The following SLC4A8 variants were observed in gnomAD, a reference collection of about 807,000 sequenced individuals.
The protein encoded by SLC4A8 is electroneutral sodium bicarbonate exchanger 1.
Under a neutral mutation model 125.0 loss-of-function variants are expected in SLC4A8, and 40 were observed. That is an observed-to-expected ratio of 0.32 (90% CI 0.25 to 0.42). The LOEUF (loss-of-function observed/expected upper bound fraction) is 0.42, where lower values mean the gene tolerates loss of function less well. Among genes scored for constraint, SLC4A8 ranks in the 10% least tolerant of loss-of-function variants. The pLI is 1.00. For synonymous variants in SLC4A8, 456 were observed against 476.0 expected (o/e 0.96, Z 0.55); for missense variants, 863 against 1,355.1 (o/e 0.64, Z 5.70).
upstream of SLC4A8, among the ~76,000 whole-genome samples, chr12:51,422,461 C>T (rs1390338998): frequency 6.6e-6 from 1 of 152,030 alleles, no homozygotes; most frequent in Non-Finnish European, 1.5e-5. Flanking sequence ...CTCAGGTGAT[C>T]CTCCCACTTC....
rs1326108592 is a variant in SLC4A8 at position 51,514,620 on chromosome 12, A to C, written c.*7182A>C. 2 of 152,206 alleles carry C rather than the reference A, an allele frequency of 1.3e-5. No individual in the cohort carries two copies. The highest frequency in any genetic ancestry group is 2.9e-5 in the Non-Finnish European group (2 of 68,048). 9.4% of individuals were successfully genotyped at this position (152,206 alleles called of 1,614,324 possible). The stretch of plus-strand genomic sequence containing the variant: ...AGGGACTAAGAATTCTCAAGCCTTC[A>C]GTTTCATCCATATTTCAATGTAAGC... On this transcript the variant is annotated 3_prime_UTR_variant, in exon 25 of 25. Transcript: ENST00000453097.
intron 1 of SLC4A8, among the ~76,000 whole-genome samples, chr12:51,434,818 C>T (rs1949348741): frequency 6.6e-6 from 1 of 152,086 alleles, no homozygotes; most frequent in South Asian, 2.1e-4. Context: ...GGGGAGCCAA[C>T]ATGAATAATT....
At chr12:51,449,671 T>G (rs920705169) in intron 2 of SLC4A8, among the ~76,000 whole-genome samples, 1 of 152,034 alleles carries the variant, frequency 6.6e-6, no homozygotes, top group Non-Finnish European at 1.5e-5. Flanking sequence ...GGCTCCAGGT[T>G]TGGCAGGAAG....
intron 22 of SLC4A8, chr12:51,497,329 T>C (rs1951488981): frequency 1.8e-6 from 1 of 546,340 alleles, no homozygotes; most frequent in Non-Finnish European, 3.2e-6. Context: ...CAACCACTTA[T>C]TTTTTCCTTT....
intron 1 of SLC4A8, chr12:51,425,354 G>C: frequency 8.4e-7 from 1 of 1,184,146 alleles, no homozygotes; most frequent in Non-Finnish European, 1.0e-6. Context: ...AGGGGCCGGC[G>C]TCTGGCCTCG....
chr12:51,507,255 C>T (rs1206378404), intron 24 of SLC4A8, among the ~76,000 whole-genome samples, 171 bp from the exon 25 acceptor site: 1 of 152,244 alleles, frequency 6.6e-6, no homozygotes, highest in Non-Finnish European at 1.5e-5. Flanking sequence ...ATCCAGGCAG[C>T]TGTCGAAATG....
chr12:51,425,023 C>T lies in SLC4A8; in HGVS notation c.36C>T (p.Val12=). Residue 12 remains valine, a synonymous_variant, in exon 1 of 25, where the codon GTC becomes GTT. Transcript: ENST00000453097. ...CCGGGAGTAACGAGCCGGACGGCGTCCTCAGCTATCAGGTAGGGCCCCGCC... is the reference window on the plus strand; with the variant it reads ...CCGGGAGTAACGAGCCGGACGGCGTTCTCAGCTATCAGGTAGGGCCCCGCC... ...PAAGSNEPDG[V]LSYQRPDEEA... 1 of 1,557,118 alleles carries T rather than the reference C, an allele frequency of 6.4e-7. No individual in the cohort carries two copies. The highest frequency in any genetic ancestry group is 8.7e-7 in the Non-Finnish European group (1 of 1,151,122).
chr12:51,514,461 T>A lies in SLC4A8; in HGVS notation c.*7023T>A, dbSNP rs1938467515. ...GCCTTTTCCTCAGTCTGTCAAGTTC[T>A]TTGGAGGAAAGAAGTTCTTGGTCAG... On this transcript the variant is annotated 3_prime_UTR_variant, in exon 25 of 25. Transcript: ENST00000453097. 1 of 152,426 alleles carries A rather than the reference T, an allele frequency of 6.6e-6. No homozygotes were observed. The highest frequency in any genetic ancestry group is 1.5e-5 in the Non-Finnish European group (1 of 68,056). 9.4% of individuals were successfully genotyped at this position (152,426 alleles called of 1,614,324 possible).
At chr12:51,461,567 A>T in intron 9 of SLC4A8, 1 of 307,032 alleles carries the variant, frequency 3.3e-6, no homozygotes, top group Non-Finnish European at 6.1e-6. Context: ...ATATAGAGAA[A>T]TATATTAAGG....
chr12:51,481,808 C>G (rs1185212253), intron 16 of SLC4A8, among the ~76,000 whole-genome samples: 4 of 151,758 alleles, frequency 2.6e-5, no homozygotes, highest in Non-Finnish European at 4.4e-5. Context: ...AAAAATTAGC[C>G]AGGCGTGGTG....
At position 51,479,414 on chromosome 12, in the gene SLC4A8, C is replaced by T. The variant is rs535283101; in HGVS notation, c.2172+4208C>T. 7.4e-4 allele frequency among the ~76,000 whole-genome samples: 113 copies of T among 152,180 alleles called. 1 individual carries two copies. Among genetic ancestry groups the T allele is most frequent in the Non-Finnish European group, 1.3e-3 (85 of 67,996 alleles). ...GAAATGTAGACAAAGGGGCTGTGTG[C>T]GGTGGCTCATGGCTATAATCCCAGC... On this transcript the variant is annotated intron_variant, in intron 16 of 24. Coordinates refer to ENST00000453097, the MANE Select transcript of SLC4A8 (RefSeq NM_001039960.3).
At chr12:51,486,005 C>A in intron 17 of SLC4A8, 105 bp downstream of exon 17, 1 of 655,476 alleles carries the variant, frequency 1.5e-6, no homozygotes, top group Non-Finnish European at 2.7e-6. Context: ...GTTTTACAGT[C>A]CCCTAAATCT....
chr12:51,515,103 C>T lies in SLC4A8; in HGVS notation c.*7665C>T, dbSNP rs919489211. On this transcript the variant is annotated 3_prime_UTR_variant, in exon 25 of 25. Transcript: ENST00000453097. ...AACTCACCCATGGCACTTTTCTGAGCCCAGCAGAAATCAGCGGAGCTTGGG... is the reference window on the plus strand; with the variant it reads ...AACTCACCCATGGCACTTTTCTGAGTCCAGCAGAAATCAGCGGAGCTTGGG... 6.6e-6 allele frequency: 1 copy of T among 152,228 alleles called. No homozygotes were observed. Among genetic ancestry groups the T allele is most frequent in the African/African-American group, 2.4e-5 (1 of 41,460 alleles). 9.4% of individuals were successfully genotyped at this position (152,228 alleles called of 1,614,324 possible).
chr12:51,490,516 T>C (rs1408636943), intron 19 of SLC4A8, among the ~76,000 whole-genome samples: 1 of 135,122 alleles, frequency 7.4e-6, no homozygotes, highest in African/African-American at 2.9e-5. Context: ...TGAGCCGAGA[T>C]CATGCCACTG....
At chr12:51,496,848 T>G in intron 21 of SLC4A8, 139 bp from the exon 22 acceptor site, 1 of 770,326 alleles carries the variant, frequency 1.3e-6, no homozygotes, top group Non-Finnish European at 2.1e-6. Flanking sequence ...AAGCATTCAA[T>G]AAATGGTGAC....
intron 2 of SLC4A8, among the ~76,000 whole-genome samples, chr12:51,445,001 C>A (rs776204992): frequency 2.6e-5 from 4 of 151,974 alleles, no homozygotes; most frequent in South Asian, 2.1e-4. Context: ...TAATCCTTTG[C>A]GGGGTTTGTA....
intron 4 of SLC4A8, among the ~76,000 whole-genome samples, chr12:51,453,227 A>G (rs911256385): frequency 6.6e-6 from 1 of 152,248 alleles, no homozygotes; most frequent in Non-Finnish European, 1.5e-5. Flanking sequence ...ATAAGCAAAA[A>G]GAAGAAAAAA....
At chr12:51,464,881 C>T (rs938755570) in intron 11 of SLC4A8, among the ~76,000 whole-genome samples, 12 of 152,116 alleles carry the variant, frequency 7.9e-5, no homozygotes, top group African/African-American at 2.7e-4. Flanking sequence ...GAGAGAATGG[C>T]ACTTGACTAG....
intron 4 of SLC4A8, among the ~76,000 whole-genome samples, chr12:51,453,074 T>C (rs1304067438): frequency 6.6e-6 from 1 of 152,216 alleles, no homozygotes; most frequent in African/African-American, 2.4e-5. Context: ...GGCAAACTTC[T>C]AAAGGTCACA....
Sources: gnomAD v4.1 joint callset for allele counts (sites outside exome capture counted in the v4.1 genomes callset) on GRCh38, gnomAD v4.1.1 for gene constraint, MANE v1.5 for transcripts, NCBI Gene and HGNC (gene_info 2026-07-23, HGNC 2026-07-21) for gene names.